The following FBN2 variants were observed in gnomAD, a reference collection of about 807,000 sequenced individuals.
FBN2 encodes fibrillin 2.
A neutral mutation model predicts 355.6 loss-of-function variants in FBN2; 105 were observed. That is an observed-to-expected ratio of 0.30 (90% CI 0.25 to 0.35). FBN2 has a LOEUF of 0.35. Among genes scored for constraint, FBN2 ranks in the 10% least tolerant of loss-of-function variants. The pLI is 1.00. For synonymous variants in FBN2, 1,350 were observed against 1,301.2 expected, an observed-to-expected ratio of 1.04 and a Z score of -0.81; for missense variants, 3,280 against 3,758.7, an observed-to-expected ratio of 0.87 and a Z score of 3.33.
intron 58 of FBN2, 56 bp downstream of exon 58, chr5:128,277,823 AG>A: frequency 1.3e-6 from 2 of 1,588,468 alleles, no homozygotes; most frequent in Non-Finnish European, 1.7e-6. Context: ...AGTGACTTGC[AG>A]GAAACAGTAG....
intron 5 of FBN2, among the ~76,000 whole-genome samples, chr5:128,492,628 C>T (rs1201274296): frequency 1.3e-5 from 2 of 151,810 alleles, no homozygotes; most frequent in Non-Finnish European, 2.9e-5. Context: ...CATGGCTAGA[C>T]CCTGTCTCTA....
chr5:128,412,510 T>C (rs566018985), intron 7 of FBN2, among the ~76,000 whole-genome samples: 5 of 152,368 alleles, frequency 3.3e-5, no homozygotes, highest in African/African-American at 1.2e-4. Context: ...CTGATTGGCA[T>C]AGGCCTGGAG....
Position 128,290,901 on chromosome 5 carries a change from A to G in FBN2, c.6293-17T>C, listed in dbSNP as rs1749304564. The G allele has an allele frequency of 6.2e-7, 1 of 1,611,872 alleles. No individual in the cohort carries two copies. Among genetic ancestry groups the G allele is most frequent in the Non-Finnish European group, 8.5e-7 (1 of 1,178,024 alleles). On this transcript the variant is annotated splice_polypyrimidine_tract_variant and intron_variant, in intron 49 of 64. Coordinates refer to ENST00000262464, the MANE Select transcript of FBN2 (RefSeq NM_001999.4). ...GGCGAGTATCTAATCAAAAAAGCAAACATTACAGATGGAATTATTTTGTAA... is the reference window on the plus strand; with the variant it reads ...GGCGAGTATCTAATCAAAAAAGCAAGCATTACAGATGGAATTATTTTGTAA...
In FBN2 at chr5:128,258,500, C is replaced by T. The variant is rs964986416; in HGVS notation, c.*955G>A. On this transcript the variant is annotated 3_prime_UTR_variant, in exon 65 of 65. Transcript: ENST00000262464. The stretch of plus-strand genomic sequence containing the variant: ...AAATGCACCATTATTTAAGACAGCA[C>T]GAAACACCACAGAATGCCAGGTGTT... 4 of 152,554 alleles carry T rather than the reference C, an allele frequency of 2.6e-5. No individual in the cohort carries two copies. Among genetic ancestry groups the T allele is most frequent in the Non-Finnish European group, 4.4e-5 (3 of 68,030 alleles). 9.5% of individuals were successfully genotyped at this position (152,554 alleles called of 1,614,324 possible).
Position 128,335,192 on chromosome 5 carries a change from G to T in FBN2, c.3951C>A (p.Ser1317=). ...CACCAATGCATGTTTTCATGTCCAT[G>T]GAAGCCATGAAGCCATCATAGCAGA... ...RCLCYDGFMA[S]MDMKTCIDVN... Residue 1317 remains serine (S), a synonymous_variant, in exon 30 of 65, where the codon TCC becomes TCA. Coordinates refer to ENST00000262464, the MANE Select transcript of FBN2 (RefSeq NM_001999.4). 6.2e-7 allele frequency: 1 copy of T among 1,614,074 alleles called. No homozygotes were observed. The highest frequency in any genetic ancestry group is 8.5e-7 in the Non-Finnish European group (1 of 1,179,996).
At chr5:128,489,577 A>G (rs1368559388) in intron 5 of FBN2, among the ~76,000 whole-genome samples, 1 of 152,178 alleles carries the variant, frequency 6.6e-6, no homozygotes, top group African/African-American at 2.4e-5. Context: ...GAAATGATAA[A>G]ATGATTTTTT....
chr5:128,294,613 T>C (rs1052973447), intron 48 of FBN2, among the ~76,000 whole-genome samples: 5 of 148,134 alleles, frequency 3.4e-5, no homozygotes, highest in South Asian at 4.4e-4. Context: ...TTTTCATGTG[T>C]TTTTTGGCTG....
intron 11 of FBN2, among the ~76,000 whole-genome samples, chr5:128,388,333 G>A (rs904947163): frequency 3.3e-5 from 5 of 152,092 alleles, no homozygotes; most frequent in Non-Finnish European, 5.9e-5. Flanking sequence ...CATTTAGCCC[G>A]TTCATTTTCA....
chr5:128,378,556 A>G (rs1752147516), intron 12 of FBN2, among the ~76,000 whole-genome samples: 1 of 152,190 alleles, frequency 6.6e-6, no homozygotes, highest in Non-Finnish European at 1.5e-5. Flanking sequence ...AGGAAGATAA[A>G]CTGAATTTTT....
chr5:128,405,527 A>G, intron 8 of FBN2, among the ~76,000 whole-genome samples: 1 of 152,220 alleles, frequency 6.6e-6, no homozygotes. Context: ...TTAGTAAATC[A>G]TTAGGTACGT....
At position 128,307,192 on chromosome 5, in the gene FBN2, T is replaced by C; in HGVS notation, c.5365A>G (p.Thr1789Ala). ...AATCCAGGAATATTTCCACATATGG[T>C]TTTAAAGTCAGCTTTAAAATATAAA... The part of the protein sequence containing the change: ...CPTPGTADFK[T>A]ICGNIPGFTF... The change falls in exon 42 of 65, where the codon ACC becomes GCC. Residue 1789 changes from threonine to alanine, a missense_variant. Thr to Ala is a moderately conservative substitution (Grantham distance 58). Around this residue, in one of 6 missense-constraint regions of FBN2, gnomAD observed 2,284 missense variants for 2,749.5 expected, o/e 0.83. Transcript: ENST00000262464. The C allele has an allele frequency of 3.1e-6, 5 of 1,604,918 alleles. No individual in the cohort carries two copies. Among genetic ancestry groups the C allele is most frequent in the Non-Finnish European group, 3.4e-6 (4 of 1,171,928 alleles).
intron 8 of FBN2, among the ~76,000 whole-genome samples, chr5:128,396,936 A>G (rs1157911239): frequency 6.6e-6 from 1 of 152,214 alleles, no homozygotes; most frequent in East Asian, 1.9e-4. Flanking sequence ...CACTGGATAC[A>G]GAGTTTAAAG....
chr5:128,400,268 GA>G (rs932955318), intron 8 of FBN2, among the ~76,000 whole-genome samples: 23 of 148,688 alleles, frequency 1.5e-4, no homozygotes, highest in African/African-American at 4.4e-4. Context: ...CACAAATAAA[GA>G]AAAAAAAATA....
At chr5:128,383,888 T>C (rs1561429575) in intron 11 of FBN2, among the ~76,000 whole-genome samples, 1 of 152,112 alleles carries the variant, frequency 6.6e-6, no homozygotes, top group Non-Finnish European at 1.5e-5. Context: ...TTTGGCAGTT[T>C]CTTAAATAAT....
intron 5 of FBN2, among the ~76,000 whole-genome samples, chr5:128,501,186 G>T (rs1755799267): frequency 6.6e-6 from 1 of 152,156 alleles, no homozygotes; most frequent in South Asian, 2.1e-4. Flanking sequence ...CAAATTTCAG[G>T]GATATCCTCT....
intron 2 of FBN2, among the ~76,000 whole-genome samples, chr5:128,533,404 G>A (rs1432730730): frequency 6.6e-6 from 1 of 152,172 alleles, no homozygotes. Context: ...AAGCAAGAAT[G>A]CTGAGGCCCT....
intron 7 of FBN2, among the ~76,000 whole-genome samples, chr5:128,432,714 TA>T (rs921111059): frequency 1.8e-4 from 27 of 152,138 alleles, no homozygotes; most frequent in African/African-American, 3.9e-4. Context: ...TCATAAGTGA[TA>T]AAAAAAAGTT....
chr5:128,461,541 A>G (rs908137929), intron 6 of FBN2, among the ~76,000 whole-genome samples: 3 of 152,242 alleles, frequency 2.0e-5, no homozygotes, highest in African/African-American at 7.2e-5. Context: ...ACTATAAGAC[A>G]CATGCACACA....
At chr5:128,272,463 C>CATATATATATATATAT (rs3083327) in intron 61 of FBN2, among the ~76,000 whole-genome samples, 94 of 139,766 alleles carry the variant, frequency 6.7e-4, no homozygotes, top group South Asian at 3.7e-3. Context: ...TTTGGTAAAT[C>CATATATATATATATAT]ATATATATAT....
Sources: gnomAD v4.1 joint callset for allele counts (sites outside exome capture counted in the v4.1 genomes callset) on GRCh38, gnomAD v4.1.1 for gene constraint, gnomAD v4.1.1 regional missense constraint, MANE v1.5 for transcripts, NCBI Gene and HGNC (gene_info 2026-07-23, HGNC 2026-07-21) for gene names.